The following SYTL2 variants were observed in gnomAD, a reference collection of about 807,000 sequenced individuals.
SYTL2 encodes the protein synaptotagmin like 2, also known as synaptotagmin-like protein 2.
In SYTL2, 165 loss-of-function variants were observed where a neutral mutation model predicts 198.7. That is an observed-to-expected ratio of 0.83 (90% confidence interval 0.73 to 0.94). SYTL2 has a LOEUF of 0.94. Among genes scored for constraint, SYTL2 ranks in the 40% least tolerant of loss-of-function variants. The probability of loss-of-function intolerance (pLI) is 0.00; values close to 1 mark genes in which losing one functional copy is unlikely to be tolerated. For missense variants in SYTL2, 2,835 were observed against 2,582.8 expected (o/e 1.10, Z -2.12); for synonymous variants, 966 against 917.7 (o/e 1.05, Z -0.95).
chr11:85,732,957 A>G (rs994470949), intron 7 of SYTL2, among the ~76,000 whole-genome samples: 4 of 152,174 alleles, frequency 2.6e-5, no homozygotes, highest in Admixed American at 6.5e-5. Context: ...TAGGTATAAA[A>G]GTAGTTTCAG....
the SYTL2 span, among the ~76,000 whole-genome samples, chr11:85,828,386 A>T: frequency 6.6e-6 from 1 of 152,224 alleles, no homozygotes; most frequent in Non-Finnish European, 1.5e-5. Context: ...TTACTCAAAC[A>T]TTACTTTTAC....
chr11:85,758,153 G>T, intron 1 of SYTL2, 39 bp from the exon 2 acceptor site: 1 of 167,424 alleles, frequency 6.0e-6, no homozygotes, highest in Non-Finnish European at 1.3e-5. Flanking sequence ...GACAGTGAGA[G>T]GCAGTTCCTA....
chr11:85,730,754 C>T (rs547898702), intron 7 of SYTL2, among the ~76,000 whole-genome samples: 1 of 151,550 alleles, frequency 6.6e-6, no homozygotes, highest in Admixed American at 6.6e-5. Flanking sequence ...GACAATCAGG[C>T]AAGAGAAAAA....
intron 1 of SYTL2, among the ~76,000 whole-genome samples, chr11:85,810,603 G>A (rs2093019395): frequency 6.6e-6 from 1 of 152,002 alleles, no homozygotes; most frequent in South Asian, 2.1e-4. Context: ...CAATCTGGGG[G>A]CAGTTACTCT....
intron 4 of SYTL2, among the ~76,000 whole-genome samples, chr11:85,740,499 C>A (rs1417381238): frequency 6.6e-6 from 1 of 152,144 alleles, no homozygotes; most frequent in Non-Finnish European, 1.5e-5. Context: ...ATCATGTGGT[C>A]ATATCTTCAT....
At chr11:85,837,192 A>T in the SYTL2 span, among the ~76,000 whole-genome samples, 1 of 152,200 alleles carries the variant, frequency 6.6e-6, no homozygotes, top group African/African-American at 2.4e-5. Flanking sequence ...GTATCCTCCC[A>T]AATTCATATG....
chr11:85,726,830 G>C lies in SYTL2; in HGVS notation c.2528C>G (p.Ser843Cys), dbSNP rs749458264. 1 of 1,536,310 alleles carries C rather than the reference G, an allele frequency of 6.5e-7. No homozygotes were observed. Among genetic ancestry groups the C allele is most frequent in the Non-Finnish European group, 8.7e-7 (1 of 1,146,962 alleles). ...SQGVSSMDSL[S>C]TDQSEYNQAI... Reference sequence around the variant, plus strand: ...CTGATTATATTCACTCTGGTCTGTAGATAAACTGTCCATGGATGATACACC... The same window carrying C: ...CTGATTATATTCACTCTGGTCTGTACATAAACTGTCCATGGATGATACACC... Residue 843 changes from serine (S) to cysteine (C), a missense_variant, in exon 8 of 20, where the codon TCT becomes TGT. Coordinates refer to ENST00000359152, the MANE Select transcript of SYTL2 (RefSeq NM_206927.4).
At chr11:85,844,070 C>A in the SYTL2 span, among the ~76,000 whole-genome samples, 3 of 152,214 alleles carry the variant, frequency 2.0e-5, no homozygotes, top group Admixed American at 6.5e-5. Context: ...AAAGAATATT[C>A]TTCTCTGCAA....
chr11:85,761,905 G>A (rs1020333145), intron 1 of SYTL2, among the ~76,000 whole-genome samples: 10 of 152,078 alleles, frequency 6.6e-5, no homozygotes, highest in African/African-American at 1.2e-4. Context: ...GTGATCTGCC[G>A]GCCTCGGCCT....
At chr11:85,806,194 A>T (rs920999496) in intron 1 of SYTL2, among the ~76,000 whole-genome samples, 1 of 152,250 alleles carries the variant, frequency 6.6e-6, no homozygotes, top group African/African-American at 2.4e-5. Flanking sequence ...TAAACCACAA[A>T]GTCTGAGCCC....
chr11:85,792,628 T>TA (rs397949947), intron 1 of SYTL2, among the ~76,000 whole-genome samples: 11 of 151,734 alleles, frequency 7.2e-5, no homozygotes, highest in Non-Finnish European at 4.4e-5. Context: ...CTTTTTTTTT[T>TA]AATTTTATTA....
At chr11:85,822,868 A>G in the SYTL2 span, among the ~76,000 whole-genome samples, 22 of 152,236 alleles carry the variant, frequency 1.4e-4, no homozygotes, top group African/African-American at 5.3e-4. Flanking sequence ...AAAAGGGAGG[A>G]TGGAGGTGCA....
At chr11:85,781,444 G>A (rs920849288) in intron 1 of SYTL2, among the ~76,000 whole-genome samples, 1 of 151,976 alleles carries the variant, frequency 6.6e-6, no homozygotes, top group Non-Finnish European at 1.5e-5. Flanking sequence ...ATATCATTCT[G>A]CCCTGGCCCC....
At chr11:85,752,197 G>C (rs995358705) in intron 2 of SYTL2, among the ~76,000 whole-genome samples, 2 of 152,192 alleles carry the variant, frequency 1.3e-5, no homozygotes, top group Non-Finnish European at 2.9e-5. Flanking sequence ...AGGTTGACTG[G>C]TCTATTCTCC....
chr11:85,720,853 C>G lies in SYTL2; in HGVS notation c.5428+5G>C. 1.9e-6 allele frequency: 3 copies of G among 1,604,470 alleles called. No homozygotes were observed. The South Asian group carries it at 3.3e-5, about 18-fold the overall frequency. On this transcript the variant is annotated splice_donor_5th_base_variant and intron_variant, in intron 9 of 19. Coordinates refer to ENST00000359152, the MANE Select transcript of SYTL2 (RefSeq NM_206927.4). The stretch of plus-strand genomic sequence containing the variant: ...CATGAACAGTGAGGCGAACTTTATT[C>G]TCACTTGATGAATCTGATGAAATGT...
chr11:85,744,028 A>G (rs1256910226), intron 4 of SYTL2, among the ~76,000 whole-genome samples: 1 of 152,020 alleles, frequency 6.6e-6, no homozygotes, highest in Non-Finnish European at 1.5e-5. Flanking sequence ...ACATGACAAT[A>G]TTTTAGGTCT....
At chr11:85,717,751 G>A (rs1309770812) in intron 10 of SYTL2, 8 of 580,102 alleles carry the variant, frequency 1.4e-5, no homozygotes, top group Admixed American at 6.5e-5. Flanking sequence ...AAGAGATACG[G>A]AGCATCCTTC....
rs1180491309 is a variant in SYTL2, at chr11:85,727,562, A to G, written c.1796T>C (p.Leu599Pro). Residue 599 changes from leucine (L) to proline (P), a missense_variant, in exon 8 of 20, where the codon CTG becomes CCG. Leu to Pro is a moderately conservative substitution (Grantham distance 98). Coordinates refer to ENST00000359152, the MANE Select transcript of SYTL2 (RefSeq NM_206927.4). ...ATTATCTTGGCAACTTTCAGAAACCAGCATATCTCCCTCTGCTTGGAATGG... is the reference window on the plus strand; with the variant it reads ...ATTATCTTGGCAACTTTCAGAAACCGGCATATCTCCCTCTGCTTGGAATGG... ...DSPFQAEGDM[L>P]VSESCQDNNV... 2.7e-5 allele frequency: 41 copies of G among 1,535,980 alleles called. 1 individual carries two copies. In the Admixed American group the frequency reaches 7.7e-4, roughly 29 times the overall value.
At chr11:85,800,941 A>C (rs1433804962) in intron 1 of SYTL2, among the ~76,000 whole-genome samples, 2 of 152,236 alleles carry the variant, frequency 1.3e-5, no homozygotes, top group African/African-American at 4.8e-5. Context: ...CAAGGAACCC[A>C]GGTAATGTCG....
Sources: gnomAD v4.1 joint callset for allele counts (sites outside exome capture counted in the v4.1 genomes callset) on GRCh38, gnomAD v4.1.1 for gene constraint, MANE v1.5 for transcripts, NCBI Gene and HGNC (gene_info 2026-07-23, HGNC 2026-07-21) for gene names.